PIP5K1B: variants seen among roughly 807,000 people sequenced by gnomAD.
PIP5K1B encodes the protein phosphatidylinositol 4-phosphate 5-kinase type-1 beta.
A neutral mutation model predicts 67.0 loss-of-function variants in PIP5K1B; 42 were observed. That is an observed-to-expected ratio of 0.63 (90% confidence interval 0.49 to 0.81). The LOEUF (loss-of-function observed/expected upper bound fraction) is 0.81. PIP5K1B is among the 30% of genes least tolerant of loss of function. The probability of loss-of-function intolerance (pLI) is 0.00; values close to 1 mark genes in which losing one functional copy is unlikely to be tolerated. For synonymous variants in PIP5K1B, 214 were observed against 231.4 expected (o/e 0.92, Z 0.68); for missense variants, 459 against 646.3 (o/e 0.71, Z 3.14).
chr9:68,826,279 A>C (rs1470278672), intron 4 of PIP5K1B, among the ~76,000 whole-genome samples: 1 of 152,206 alleles, frequency 6.6e-6, no homozygotes, highest in Non-Finnish European at 1.5e-5. Flanking sequence ...GCCAGGCAGC[A>C]AAGAAGGGAG....
intron 4 of PIP5K1B, among the ~76,000 whole-genome samples, chr9:68,839,948 C>G (rs1821831966): frequency 6.6e-6 from 1 of 152,248 alleles, no homozygotes; most frequent in African/African-American, 2.4e-5. Flanking sequence ...TCTAGGACCA[C>G]TTTCTGGGAC....
chr9:68,860,021 G>A (rs963537663), intron 4 of PIP5K1B, among the ~76,000 whole-genome samples: 12 of 152,080 alleles, frequency 7.9e-5, no homozygotes, highest in African/African-American at 2.9e-4. Flanking sequence ...GAGGTAGTGT[G>A]CATTTCCTCA....
intron 8 of PIP5K1B, among the ~76,000 whole-genome samples, chr9:68,914,701 C>G (rs1826014703): frequency 6.6e-6 from 1 of 151,578 alleles, no homozygotes; most frequent in Admixed American, 6.6e-5. Context: ...GGCAACAGAG[C>G]AAGACTCCAT....
intron 14 of PIP5K1B, among the ~76,000 whole-genome samples, chr9:68,982,931 C>T (rs1374190281): frequency 3.3e-5 from 5 of 152,158 alleles, no homozygotes; most frequent in Non-Finnish European, 7.3e-5. Flanking sequence ...CATGCACATA[C>T]ATACTCCTGC....
chr9:68,754,175 CTT>C (rs71353081), intron 2 of PIP5K1B, among the ~76,000 whole-genome samples: 2 of 101,056 alleles, frequency 2.0e-5, no homozygotes, highest in East Asian at 3.4e-4. Context: ...TCCATGATTT[CTT>C]TTTTTTTTTT....
chr9:68,935,620 A>G (rs1827223705), intron 13 of PIP5K1B, among the ~76,000 whole-genome samples: 1 of 152,244 alleles, frequency 6.6e-6, no homozygotes, highest in Non-Finnish European at 1.5e-5. Flanking sequence ...CCTGATGGTA[A>G]CAAATACTAA....
intron 14 of PIP5K1B, chr9:68,963,370 G>C (rs1335678747): frequency 5.7e-6 from 2 of 351,682 alleles, no homozygotes; most frequent in East Asian, 8.1e-5. Flanking sequence ...GGGCGTGGTG[G>C]TGCATGCCTG....
intron 4 of PIP5K1B, among the ~76,000 whole-genome samples, chr9:68,861,386 C>T (rs182479651): frequency 1.1e-3 from 174 of 152,218 alleles, no homozygotes; most frequent in Admixed American, 3.8e-3. Flanking sequence ...GCAAGTATAC[C>T]CAGTGATTCT....
rs113924040 is a variant in PIP5K1B, at chr9:68,921,600, C to G, written c.1117-1702C>G. 1.2e-3 allele frequency among the ~76,000 whole-genome samples: 182 copies of G among 152,280 alleles called. 1 individual carries two copies. Among genetic ancestry groups the G allele is most frequent in the African/African-American group, 3.9e-3 (163 of 41,564 alleles). ...CCACCTTTCTCTATTTAAAACCCAA[C>G]ACTTTGGGGGGAGACCAAAGCGGGC... On this transcript the variant is annotated intron_variant, in intron 11 of 15. Coordinates refer to ENST00000265382, the MANE Select transcript of PIP5K1B (RefSeq NM_003558.4).
chr9:68,908,455 G>T (rs902002038), intron 8 of PIP5K1B, among the ~76,000 whole-genome samples: 1 of 150,792 alleles, frequency 6.6e-6, no homozygotes, highest in African/African-American at 2.4e-5. Flanking sequence ...AAAAGCCTTG[G>T]TACAGGTTAA....
chr9:68,808,263 T>A (rs1455615123), intron 2 of PIP5K1B, among the ~76,000 whole-genome samples: 7 of 152,160 alleles, frequency 4.6e-5, no homozygotes. Flanking sequence ...GAAGTTCAAC[T>A]ATGTGAGATT....
chr9:68,881,927 G>A (rs1824218706), intron 6 of PIP5K1B, among the ~76,000 whole-genome samples: 1 of 152,202 alleles, frequency 6.6e-6, no homozygotes, highest in Non-Finnish European at 1.5e-5. Context: ...ATAAGAAAGA[G>A]AGCAGAGTGA....
rs1825647496 is a variant in PIP5K1B, at chr9:68,907,009, C to T, written c.772-10539C>T. 3.9e-5 allele frequency among the ~76,000 whole-genome samples: 6 copies of T among 152,330 alleles called. No homozygotes were observed. The South Asian group carries it at 1.2e-3, about 32-fold the overall frequency. ...AGTGATTCCAGATTGCAGATTTACT[C>T]TCTGTCCACTCAGATGTGCGGGGAA... is the stretch of plus-strand genomic sequence containing the variant. On this transcript the variant is annotated intron_variant, in intron 8 of 15. Transcript: ENST00000265382.
At chr9:68,996,504 T>G (rs1830606646) in intron 15 of PIP5K1B, among the ~76,000 whole-genome samples, 1 of 152,218 alleles carries the variant, frequency 6.6e-6, no homozygotes, top group African/African-American at 2.4e-5. Context: ...TGACACAGAT[T>G]AGGGTATTTA....
At chr9:68,907,905 ATTC>A (rs1350014405) in intron 8 of PIP5K1B, among the ~76,000 whole-genome samples, 1 of 152,252 alleles carries the variant, frequency 6.6e-6, no homozygotes, top group East Asian at 1.9e-4. Context: ...AGATTCTTCC[ATTC>A]TTCTTCTCTT....
intron 14 of PIP5K1B, among the ~76,000 whole-genome samples, chr9:68,942,691 T>C (rs1316088740): frequency 6.6e-6 from 1 of 152,156 alleles, no homozygotes; most frequent in East Asian, 1.9e-4. Context: ...AGCATATAGA[T>C]TTGGAGGGGG....
chr9:68,721,969 T>A (rs1390803782), intron 1 of PIP5K1B, among the ~76,000 whole-genome samples: 1 of 152,186 alleles, frequency 6.6e-6, no homozygotes, highest in Non-Finnish European at 1.5e-5. Context: ...CAGCCTACTG[T>A]TTCGGAAGAC....
chr9:68,996,760 A>C (rs1830616824), intron 15 of PIP5K1B, among the ~76,000 whole-genome samples: 1 of 152,194 alleles, frequency 6.6e-6, no homozygotes, highest in African/African-American at 2.4e-5. Flanking sequence ...ATTGGGAGAG[A>C]ATATCCTTTT....
In PIP5K1B at chr9:68,923,394, T is replaced by C. The variant is rs765302865; in HGVS notation, c.1201+8T>C. The C allele has an allele frequency of 2.7e-5, 39 of 1,466,348 alleles. No individual in the cohort carries two copies. In the South Asian group the frequency reaches 4.8e-4, roughly 18 times the overall value. 90.8% of individuals were successfully genotyped at this position (1,466,348 alleles called of 1,614,324 possible). On this transcript the variant is annotated splice_region_variant and intron_variant, in intron 12 of 15. Transcript: ENST00000265382. ...TTTTCAAGAAAATTCAAGGTAAGAT[T>C]CTTATGAATTTTTTTTTTTACTTTT...
Sources: allele counts gnomAD v4.1 joint callset (sites outside exome capture counted in the v4.1 genomes callset), GRCh38; gene constraint gnomAD v4.1.1; transcripts MANE v1.5; gene names NCBI Gene and HGNC (gene_info 2026-07-23, HGNC 2026-07-21).